SPOCK1: variants seen among roughly 807,000 people sequenced by gnomAD.
SPOCK1 encodes testican-1.
In SPOCK1, 23 loss-of-function variants were observed where a neutral mutation model predicts 55.3. The ratio of observed to expected loss-of-function variants is 0.42; its 90% confidence interval spans 0.30 to 0.59. The LOEUF is 0.59. Ranked by LOEUF, SPOCK1 falls within the 20% of genes least tolerant of loss-of-function variation. The pLI is 0.22. For missense variants in SPOCK1, 499 were observed against 552.5 expected (o/e 0.90, Z 0.97); for synonymous variants, 226 against 221.0 (o/e 1.02, Z -0.20).
chr5:137,001,442 A>G (rs1235636590), intron 6 of SPOCK1, among the ~76,000 whole-genome samples: 1 of 152,234 alleles, frequency 6.6e-6, no homozygotes, highest in East Asian at 1.9e-4. Flanking sequence ...CCCAGGTCCT[A>G]CGGATGGTAA....
intron 2 of SPOCK1, among the ~76,000 whole-genome samples, chr5:137,333,237 G>C (rs1210361339): frequency 6.6e-6 from 1 of 152,232 alleles, no homozygotes; most frequent in East Asian, 1.9e-4. Context: ...GCAACAGCTA[G>C]AAATACATGT....
chr5:137,375,008 C>T (rs377135758), intron 2 of SPOCK1, among the ~76,000 whole-genome samples: 9 of 152,048 alleles, frequency 5.9e-5, no homozygotes, highest in Non-Finnish European at 7.4e-5. Context: ...CAGTTGCAGC[C>T]GTTCACATTT....
intron 2 of SPOCK1, among the ~76,000 whole-genome samples, chr5:137,348,589 TC>T (rs1750611510): frequency 6.6e-6 from 1 of 152,030 alleles, no homozygotes; most frequent in Non-Finnish European, 1.5e-5. Flanking sequence ...TGTGCCCTGC[TC>T]AGGGCTTCAA....
intron 9 of SPOCK1, among the ~76,000 whole-genome samples, chr5:136,984,694 T>G (rs1412148018): frequency 6.6e-6 from 1 of 152,226 alleles, no homozygotes; most frequent in African/African-American, 2.4e-5. Context: ...AGCACATACA[T>G]GTCGTTCAAC....
At chr5:137,282,357 G>A (rs572397798) in intron 2 of SPOCK1, among the ~76,000 whole-genome samples, 1 of 152,228 alleles carries the variant, frequency 6.6e-6, no homozygotes, top group South Asian at 2.1e-4. Context: ...TGCCACTTAA[G>A]TAATCACATT....
chr5:137,491,847 A>C (rs1440896158), intron 2 of SPOCK1, among the ~76,000 whole-genome samples: 1 of 152,246 alleles, frequency 6.6e-6, no homozygotes, highest in Non-Finnish European at 1.5e-5. Flanking sequence ...TTCAGGAGGC[A>C]TCCAACTATT....
intron 6 of SPOCK1, among the ~76,000 whole-genome samples, chr5:137,058,140 G>A (rs1752334380): frequency 6.6e-6 from 1 of 152,248 alleles, no homozygotes; most frequent in African/African-American, 2.4e-5. Context: ...ATGGACACGT[G>A]TGGAAGAGTG....
chr5:137,077,179 C>T (rs1580738540), intron 5 of SPOCK1, among the ~76,000 whole-genome samples: 1 of 152,382 alleles, frequency 6.6e-6, no homozygotes. Flanking sequence ...CCGCCTCGTC[C>T]TCCCAAAGTG....
chr5:136,985,300 C>T, intron 8 of SPOCK1, 98 bp from the exon 9 acceptor site: 1 of 1,150,998 alleles, frequency 8.7e-7, no homozygotes, highest in Non-Finnish European at 1.3e-6. Flanking sequence ...CAATGACACA[C>T]CTGGGAGTGG....
At chr5:137,126,322 T>C (rs1383086203) in intron 4 of SPOCK1, among the ~76,000 whole-genome samples, 1 of 152,238 alleles carries the variant, frequency 6.6e-6, no homozygotes, top group Non-Finnish European at 1.5e-5. Flanking sequence ...ATGCTTCTTG[T>C]ACAGCCTGCA....
At chr5:137,305,501 C>T (rs1410781487) in intron 2 of SPOCK1, among the ~76,000 whole-genome samples, 3 of 152,200 alleles carry the variant, frequency 2.0e-5, no homozygotes, top group Admixed American at 2.0e-4. Flanking sequence ...TGAGATAGGG[C>T]TGGAGAAACT....
At chr5:137,130,570 G>C (rs192674679) in intron 4 of SPOCK1, among the ~76,000 whole-genome samples, 1 of 152,284 alleles carries the variant, frequency 6.6e-6, no homozygotes, top group East Asian at 1.9e-4. Context: ...TGGCCTCCCT[G>C]GTGCCTGCCA....
chr5:137,231,549 T>C (rs1756064875), intron 3 of SPOCK1, among the ~76,000 whole-genome samples: 1 of 152,274 alleles, frequency 6.6e-6, no homozygotes, highest in African/African-American at 2.4e-5. Context: ...TCACCCAGGA[T>C]GTTGCATGTA....
intron 2 of SPOCK1, among the ~76,000 whole-genome samples, chr5:137,340,719 A>G (rs753322658): frequency 1.3e-5 from 2 of 152,284 alleles, no homozygotes; most frequent in South Asian, 2.1e-4. Context: ...CGTCTCTACT[A>G]AAAATACAAA....
chr5:137,185,714 G>A (rs1288503501), intron 3 of SPOCK1, among the ~76,000 whole-genome samples: 1 of 152,142 alleles, frequency 6.6e-6, no homozygotes, highest in Non-Finnish European at 1.5e-5. Flanking sequence ...AGGGTGCCGA[G>A]AGGAGGCTGT....
At chr5:137,285,169 G>A (rs186843406) in intron 2 of SPOCK1, among the ~76,000 whole-genome samples, 112 of 152,292 alleles carry the variant, frequency 7.4e-4, no homozygotes, top group Non-Finnish European at 1.3e-3. Context: ...CCTGGGGCCC[G>A]TCTCACTAAA....
rs536061177 is a variant in SPOCK1 at position 137,203,751 on chromosome 5, C to A, written c.233-63057G>T. ...GTTATTTGCTTTATCCGGCTTACAACTTTTTGATTTATAGGGTGCTTTCTA... is the reference window on the plus strand; with the variant it reads ...GTTATTTGCTTTATCCGGCTTACAAATTTTTGATTTATAGGGTGCTTTCTA... On this transcript the variant is annotated intron_variant, in intron 3 of 10. Transcript: ENST00000394945. Among the ~76,000 whole-genome samples the A allele has an allele frequency of 1.4e-4, 22 of 152,318 alleles. No individual in the cohort carries two copies. In the South Asian group the frequency reaches 4.6e-3, roughly 32 times the overall value.
chr5:137,355,047 C>A (rs901492478), intron 2 of SPOCK1, among the ~76,000 whole-genome samples: 3 of 151,386 alleles, frequency 2.0e-5, no homozygotes, highest in Admixed American at 6.6e-5. Context: ...GGACTACAGG[C>A]AAGCACCACC....
chr5:137,253,130 C>A (rs764336292), intron 3 of SPOCK1, among the ~76,000 whole-genome samples: 1 of 152,216 alleles, frequency 6.6e-6, no homozygotes, highest in Non-Finnish European at 1.5e-5. Flanking sequence ...ATGTCCGCAT[C>A]TACAGCTCTG....
Sources: allele counts gnomAD v4.1 joint callset (sites outside exome capture counted in the v4.1 genomes callset), GRCh38; gene constraint gnomAD v4.1.1; transcripts MANE v1.5; gene names NCBI Gene and HGNC (gene_info 2026-07-23, HGNC 2026-07-21).